ITGA2: variants seen among roughly 807,000 people sequenced by gnomAD.
ITGA2 encodes integrin subunit alpha 2.
Under a neutral mutation model 146.3 loss-of-function variants are expected in ITGA2, and 101 were observed. The observed-to-expected ratio is 0.69, with a 90% confidence interval of 0.59 to 0.81. The LOEUF (loss-of-function observed/expected upper bound fraction) is 0.81, where lower values mean the gene tolerates loss of function less well. Ranked by LOEUF, ITGA2 falls within the 40% of genes least tolerant of loss-of-function variation. The pLI is 0.00. For missense variants in ITGA2, 1,281 were observed against 1,402.7 expected (o/e 0.91, Z 1.39); for synonymous variants, 477 against 487.1 (o/e 0.98, Z 0.27).
At chr5:53,078,995 G>A in intron 24 of ITGA2, 121 bp downstream of exon 24, 1 of 701,958 alleles carries the variant, frequency 1.4e-6, no homozygotes, top group Middle Eastern at 2.5e-4. Context: ...CTCAAACTTG[G>A]GTGTGCATTA....
At chr5:53,069,810 AT>A (rs3212564) in intron 16 of ITGA2, among the ~76,000 whole-genome samples, 8,053 of 151,700 alleles carry the variant, frequency 0.053, 732 homozygotes, top group African/African-American at 0.19. Flanking sequence ...GGAGTGAGCA[AT>A]TTGCCCAGGT....
intron 27 of ITGA2, among the ~76,000 whole-genome samples, chr5:53,086,034 C>T (rs1746141896): frequency 6.6e-6 from 1 of 151,872 alleles, no homozygotes; most frequent in Non-Finnish European, 1.5e-5. Context: ...TCAGCCGAGT[C>T]GCTGGGATTA....
intron 23 of ITGA2, among the ~76,000 whole-genome samples, chr5:53,076,515 C>T (rs1283826985): frequency 3.9e-5 from 6 of 152,044 alleles, no homozygotes. Flanking sequence ...TAACTGCAGA[C>T]TTCAAAGGAT....
intron 2 of ITGA2, among the ~76,000 whole-genome samples, chr5:53,037,113 C>G (rs774416314): frequency 6.6e-6 from 1 of 152,160 alleles, no homozygotes. Context: ...TAAAACTGTC[C>G]TACCTACACC....
At position 53,060,888 on chromosome 5, in the gene ITGA2, C is replaced by G; in HGVS notation, c.1313-13C>G. The G allele has an allele frequency of 6.2e-7, 1 of 1,611,684 alleles. No individual in the cohort carries two copies. The highest frequency in any genetic ancestry group is 1.1e-5 in the South Asian group (1 of 91,048). ...AGTCAATGTTAATCACTCTGTTGCT[C>G]CTTCCCTTTTAGGTTACTCTGTGGC... On this transcript the variant is annotated splice_polypyrimidine_tract_variant and intron_variant, in intron 11 of 29. Transcript: ENST00000296585.
intron 20 of ITGA2, 62 bp downstream of exon 20, chr5:53,073,321 T>C: frequency 6.4e-7 from 1 of 1,560,504 alleles, no homozygotes. Flanking sequence ...CACTGTCTTC[T>C]CTATGTCCTC....
At chr5:53,025,010 T>G (rs995355332) in intron 1 of ITGA2, among the ~76,000 whole-genome samples, 2 of 152,196 alleles carry the variant, frequency 1.3e-5, no homozygotes, top group African/African-American at 4.8e-5. Flanking sequence ...TCCATCATAA[T>G]TTCCTGCCAT....
intron 1 of ITGA2, among the ~76,000 whole-genome samples, chr5:53,007,169 C>T (rs1328728875): frequency 1.3e-5 from 2 of 152,038 alleles, no homozygotes; most frequent in East Asian, 1.9e-4. Flanking sequence ...AGCAGAGCCC[C>T]AAACTAGGAA....
chr5:52,995,937 G>A (rs1741221596), intron 1 of ITGA2, among the ~76,000 whole-genome samples: 1 of 152,146 alleles, frequency 6.6e-6, no homozygotes, highest in South Asian at 2.1e-4. Context: ...CAAGAACTGG[G>A]GTAGCACAGA....
chr5:53,059,234 G>A (rs1304979388), intron 10 of ITGA2, among the ~76,000 whole-genome samples: 1 of 151,948 alleles, frequency 6.6e-6, no homozygotes, highest in Non-Finnish European at 1.5e-5. Flanking sequence ...CCACAGGGCT[G>A]ACAAATGGTT....
intron 2 of ITGA2, among the ~76,000 whole-genome samples, chr5:53,040,701 ATCTT>A (rs1648262154): frequency 6.6e-6 from 1 of 152,220 alleles, no homozygotes; most frequent in African/African-American, 2.4e-5. Flanking sequence ...AGAGTGTTCT[ATCTT>A]AGTTTGAGAA....
chr5:52,995,803 T>A (rs565943418), intron 1 of ITGA2, among the ~76,000 whole-genome samples: 1 of 152,142 alleles, frequency 6.6e-6, no homozygotes, highest in African/African-American at 2.4e-5. Context: ...ACAAGATGAG[T>A]CAGGCAAAGG....
intron 1 of ITGA2, among the ~76,000 whole-genome samples, chr5:53,004,894 GTTT>G (rs548541753): frequency 3.6e-5 from 2 of 55,946 alleles, no homozygotes; most frequent in African/African-American, 9.3e-5. Context: ...TAGTTGCTTT[GTTT>G]TTTTTTTTTT....
At chr5:53,081,771 T>A in intron 26 of ITGA2, 75 bp downstream of exon 26, 1 of 954,306 alleles carries the variant, frequency 1.0e-6, no homozygotes, top group Non-Finnish European at 1.7e-6. Context: ...GCTTTTCTCC[T>A]ACCAGCTGAT....
chr5:53,080,505 A>G lies in ITGA2; in HGVS notation c.2929-6A>G. ...GCAGTACTGGCACATTTTATTCTCT[A>G]CATAGGTAACAACAGGAAGTGTTCC... On this transcript the variant is annotated splice_region_variant and splice_polypyrimidine_tract_variant and intron_variant, in intron 24 of 29. Coordinates refer to ENST00000296585, the MANE Select transcript of ITGA2 (RefSeq NM_002203.4). 1 of 1,607,008 alleles carries G rather than the reference A, an allele frequency of 6.2e-7. No homozygotes were observed. The highest frequency in any genetic ancestry group is 8.5e-7 in the Non-Finnish European group (1 of 1,173,748).
At chr5:53,073,357 C>T (rs1479877966) in intron 20 of ITGA2, 98 bp downstream of exon 20, 2 of 1,294,242 alleles carry the variant, frequency 1.5e-6, no homozygotes, top group African/African-American at 2.9e-5. Flanking sequence ...AGCACCTTAA[C>T]CCTCAACATG....
Position 53,065,823 on chromosome 5 carries a change from T to A in ITGA2, c.1807-18T>A, listed in dbSNP as rs1349395081. 1 of 1,611,642 alleles carries A rather than the reference T, an allele frequency of 6.2e-7. No individual in the cohort carries two copies. On this transcript the variant is annotated intron_variant, in intron 14 of 29. Coordinates refer to ENST00000296585, the MANE Select transcript of ITGA2 (RefSeq NM_002203.4). ...AGCTGTTGTGTACTATAATTTCGTG[T>A]CAAACCTGCTCTTTTAGAAAATCTT...
intron 13 of ITGA2, among the ~76,000 whole-genome samples, chr5:53,063,182 A>G (rs1422710593): frequency 6.6e-6 from 1 of 151,942 alleles, no homozygotes; most frequent in Non-Finnish European, 1.5e-5. Context: ...CTCTTATGCA[A>G]ATAAAGCCAT....
In ITGA2 at chr5:53,088,728, G is replaced by C. The variant is rs1240210117; in HGVS notation, c.3349-1218G>C. Among the ~76,000 whole-genome samples the C allele has an allele frequency of 2.0e-5, 3 of 151,092 alleles. No individual in the cohort carries two copies. In the East Asian group the frequency reaches 5.8e-4, roughly 29 times the overall value. On this transcript the variant is annotated intron_variant, in intron 28 of 29. Transcript: ENST00000296585. ...AAGTAAAGAGAAAGTACTTTTAATG[G>C]CAAAGACTGCAATTACTTTTGCACC...
Sources: allele counts gnomAD v4.1 joint callset (sites outside exome capture counted in the v4.1 genomes callset), GRCh38; gene constraint gnomAD v4.1.1; transcripts MANE v1.5; gene names NCBI Gene and HGNC (gene_info 2026-07-23, HGNC 2026-07-21).